The following OSTN variants were observed in gnomAD, a reference collection of about 807,000 sequenced individuals.
The protein encoded by OSTN is osteocrin.
OSTN carries 9 observed loss-of-function variants against 12.0 expected under a neutral mutation model. The ratio of observed to expected loss-of-function variants is 0.75; its 90% CI spans 0.45 to 1.30. OSTN has a LOEUF of 1.30. Among genes scored for constraint, OSTN ranks in the 50% most tolerant of loss-of-function variants. The pLI, the probability that OSTN is intolerant of heterozygous loss-of-function variation, is 0.00. For synonymous variants in OSTN, 59 were observed against 56.9 expected, an observed-to-expected ratio of 1.04 and a Z score of -0.16; for missense variants, 148 against 152.3, an observed-to-expected ratio of 0.97 and a Z score of 0.15.
chr3:191,261,902 T>C (rs748672580), intron 4 of OSTN, among the ~76,000 whole-genome samples: 17 of 152,238 alleles, frequency 1.1e-4, no homozygotes, highest in African/African-American at 9.6e-5. Context: ...GAAATCAGAA[T>C]GTCAACCTGA....
intron 3 of OSTN, among the ~76,000 whole-genome samples, chr3:191,232,331 TA>T (rs61313474): frequency 0.029 from 1,928 of 67,150 alleles, 24 homozygotes; most frequent in African/African-American, 0.13. Flanking sequence ...AGACTCTGTC[TA>T]AAAAAAAAAA....
chr3:191,254,109 T>C (rs1463996118), intron 4 of OSTN, among the ~76,000 whole-genome samples: 1 of 152,232 alleles, frequency 6.6e-6, no homozygotes, highest in African/African-American at 2.4e-5. Flanking sequence ...TAAATAGCTG[T>C]GTCCCATTCC....
chr3:191,260,202 T>C (rs9835640), intron 4 of OSTN, among the ~76,000 whole-genome samples: 39,737 of 151,604 alleles, frequency 0.26, 5,777 homozygotes, highest in Middle Eastern at 0.39. Context: ...AAGATATCTC[T>C]AATTTTTTTT....
chr3:191,243,472 C>T (rs1405252900), intron 3 of OSTN, among the ~76,000 whole-genome samples: 1 of 152,120 alleles, frequency 6.6e-6, no homozygotes, highest in Non-Finnish European at 1.5e-5. Flanking sequence ...GGAACTACAG[C>T]TCCACATGTC....
rs187076886 is a variant in OSTN at position 191,209,074 on chromosome 3, G to A, written c.1-3459G>A. On this transcript the variant is annotated intron_variant, in intron 1 of 4. Transcript: ENST00000682035. ...CTCAGGAGGCTGAGGCAGGAGAATC[G>A]CTTAAACCTGGGAGGCAGAGGTTGC... Among the ~76,000 whole-genome samples the A allele has an allele frequency of 6.5e-4, 99 of 152,276 alleles. 3 individuals are homozygous for A. The highest frequency in any genetic ancestry group is 1.9e-4 in the East Asian group (1 of 5,188).
chr3:191,214,774 A>G (rs1714563492), intron 2 of OSTN, among the ~76,000 whole-genome samples: 1 of 152,204 alleles, frequency 6.6e-6, no homozygotes, highest in Non-Finnish European at 1.5e-5. Context: ...GCACATTGGG[A>G]GGCCAAGGTA....
chr3:191,212,400 A>C, intron 1 of OSTN, 133 bp from the exon 2 acceptor site: 1 of 370,392 alleles, frequency 2.7e-6, no homozygotes, highest in Non-Finnish European at 5.0e-6. Flanking sequence ...CGTTTTGTAG[A>C]GATGCACTCA....
intron 1 of OSTN, among the ~76,000 whole-genome samples, chr3:191,201,195 C>T (rs2108586577): frequency 6.6e-6 from 1 of 152,070 alleles, no homozygotes; most frequent in South Asian, 2.1e-4. Flanking sequence ...TCCTTATTGC[C>T]ACTCCATCAG....
intron 3 of OSTN, among the ~76,000 whole-genome samples, chr3:191,236,879 CA>C (rs1443148656): frequency 6.6e-6 from 1 of 152,154 alleles, no homozygotes; most frequent in African/African-American, 2.4e-5. Flanking sequence ...AAGATGGAGT[CA>C]CTCTGGTTCA....
intron 1 of OSTN, among the ~76,000 whole-genome samples, chr3:191,207,951 C>T (rs990919468): frequency 1.2e-4 from 19 of 152,110 alleles, no homozygotes; most frequent in African/African-American, 4.6e-4. Context: ...AGATGTTATA[C>T]AACATAAGAC....
intron 3 of OSTN, among the ~76,000 whole-genome samples, chr3:191,240,997 C>T (rs2108546878): frequency 6.6e-6 from 1 of 152,206 alleles, no homozygotes; most frequent in African/African-American, 2.4e-5. Context: ...TATTGGGTTC[C>T]ACCTTGGAGC....
At chr3:191,260,835 G>C (rs1156688730) in intron 4 of OSTN, among the ~76,000 whole-genome samples, 4 of 152,124 alleles carry the variant, frequency 2.6e-5, no homozygotes, top group Non-Finnish European at 5.9e-5. Context: ...CAGAAAGACA[G>C]AGACAAAGAA....
intron 4 of OSTN, among the ~76,000 whole-genome samples, chr3:191,250,497 C>T (rs1179269616): frequency 1.3e-5 from 2 of 152,126 alleles, no homozygotes; most frequent in African/African-American, 2.4e-5. Flanking sequence ...GAAGAAGACA[C>T]ATTCAAGTGA....
At chr3:191,245,646 G>A (rs1328464139) in intron 3 of OSTN, among the ~76,000 whole-genome samples, 3 of 152,112 alleles carry the variant, frequency 2.0e-5, no homozygotes, top group Non-Finnish European at 2.9e-5. Flanking sequence ...ATTGAGCAGG[G>A]AAAGATCAAC....
intron 3 of OSTN, among the ~76,000 whole-genome samples, chr3:191,232,288 G>T (rs1715076154): frequency 7.5e-6 from 1 of 134,044 alleles, no homozygotes; most frequent in South Asian, 2.3e-4. Flanking sequence ...AGCCAAGATT[G>T]TGCCACAGCA....
chr3:191,257,862 C>T (rs1715705476), intron 4 of OSTN, among the ~76,000 whole-genome samples: 2 of 152,046 alleles, frequency 1.3e-5, no homozygotes, highest in South Asian at 2.1e-4. Flanking sequence ...TAATGTGGTA[C>T]CATGTGTAGA....
At chr3:191,248,716 A>T (rs974304353) in intron 3 of OSTN, among the ~76,000 whole-genome samples, 1 of 152,178 alleles carries the variant, frequency 6.6e-6, no homozygotes, top group African/African-American at 2.4e-5. Context: ...GGACGCCAAG[A>T]TGAAGGATCG....
chr3:191,199,410 A>C (rs1714103944), intron 1 of OSTN, 103 bp downstream of exon 1: 1 of 152,120 alleles, frequency 6.6e-6, no homozygotes, highest in African/African-American at 2.4e-5. Flanking sequence ...TGATTTTGTT[A>C]AAATTAGAGT....
At chr3:191,216,492 CA>C (rs35289095) in intron 2 of OSTN, among the ~76,000 whole-genome samples, 1 of 152,228 alleles carries the variant, frequency 6.6e-6, no homozygotes, top group Admixed American at 6.5e-5. Context: ...GCAAATTTTC[CA>C]AACTTTTTGC....
Sources: allele counts gnomAD v4.1 joint callset (sites outside exome capture counted in the v4.1 genomes callset), GRCh38; gene constraint gnomAD v4.1.1; transcripts MANE v1.5; gene names NCBI Gene and HGNC (gene_info 2026-07-23, HGNC 2026-07-21).